PTK2: variants seen among roughly 807,000 people sequenced by gnomAD.
PTK2 encodes the protein focal adhesion kinase 1.
In PTK2, 45 loss-of-function variants were observed where a neutral mutation model predicts 150.1. The ratio of observed to expected loss-of-function variants is 0.30; its 90% CI spans 0.24 to 0.38. The LOEUF (loss-of-function observed/expected upper bound fraction) is 0.38, where lower values mean the gene tolerates loss of function less well. Among genes scored for constraint, PTK2 ranks in the 10% least tolerant of loss-of-function variants. PTK2 has a pLI of 1.00. For synonymous variants in PTK2, 432 were observed against 449.2 expected (o/e 0.96, Z 0.48); for missense variants, 919 against 1,307.3 (o/e 0.70, Z 4.58).
At chr8:140,764,553 C>A (rs878887658) in intron 14 of PTK2, 2 of 484,330 alleles carry the variant, frequency 4.1e-6, no homozygotes, top group Non-Finnish European at 7.2e-6. Context: ...AAAAACAGAA[C>A]GACATGAAAC....
intron 1 of PTK2, among the ~76,000 whole-genome samples, chr8:140,932,621 T>C (rs917671040): frequency 3.9e-5 from 6 of 152,212 alleles, no homozygotes; most frequent in Non-Finnish European, 5.9e-5. Context: ...CTTGAATTCA[T>C]AAAATGTCTG....
rs192755155 is a variant in PTK2, at chr8:140,861,416, T to C, written c.450+2896A>G. On this transcript the variant is annotated intron_variant, in intron 5 of 31. Coordinates refer to ENST00000522684, the Ensembl canonical transcript of PTK2. ...ATATAATTTAACAGATTTTTAAAAA[T>C]TAAAAAGACAAGAAGAGAAACTGTA... 4.3e-3 allele frequency among the ~76,000 whole-genome samples: 657 copies of C among 152,156 alleles called. 6 individuals are homozygous for C. The highest frequency in any genetic ancestry group is 0.015 in the African/African-American group (634 of 41,510).
intron 27 of PTK2, among the ~76,000 whole-genome samples, chr8:140,686,252 GGAGGAGGGTGA>G (rs898994165): frequency 1.3e-5 from 2 of 152,122 alleles, no homozygotes; most frequent in South Asian, 2.1e-4. Flanking sequence ...GTGGAGGGTG[GGAGGAGGGTGA>G]GAGGAGGGTG....
At chr8:140,832,749 C>A (rs965297604) in intron 7 of PTK2, 1 of 496,202 alleles carries the variant, frequency 2.0e-6, no homozygotes, top group South Asian at 1.5e-5. Context: ...AGCTACGCAC[C>A]GAGAACAGAA....
intron 1 of PTK2, among the ~76,000 whole-genome samples, chr8:140,929,604 A>G (rs537729271): frequency 1.3e-5 from 2 of 152,312 alleles, no homozygotes; most frequent in East Asian, 3.9e-4. Context: ...TTGTGATACA[A>G]TTAGACTGTA....
chr8:140,795,540 C>T (rs1011832758), intron 12 of PTK2, among the ~76,000 whole-genome samples: 12 of 152,206 alleles, frequency 7.9e-5, no homozygotes, highest in African/African-American at 2.9e-4. Context: ...TCTTCCCTGT[C>T]TTATTTTTCT....
chr8:140,754,474 A>G (rs1042916937), intron 16 of PTK2, among the ~76,000 whole-genome samples: 2 of 152,226 alleles, frequency 1.3e-5, no homozygotes, highest in East Asian at 1.9e-4. Context: ...AGAAAACTGT[A>G]TGGCTGGTAT....
At chr8:140,904,770 T>C (rs1002181582) in intron 2 of PTK2, among the ~76,000 whole-genome samples, 1 of 152,228 alleles carries the variant, frequency 6.6e-6, no homozygotes, top group Non-Finnish European at 1.5e-5. Context: ...TTCTAGATTT[T>C]CTAGTTTATT....
chr8:140,984,365 A>G (rs1422164248), intron 1 of PTK2, among the ~76,000 whole-genome samples: 2 of 152,110 alleles, frequency 1.3e-5, no homozygotes, highest in Admixed American at 6.6e-5. Flanking sequence ...CCACCTTGCA[A>G]CCCACACTTT....
intron 14 of PTK2, among the ~76,000 whole-genome samples, chr8:140,787,730 T>A (rs1018317846): frequency 1.3e-5 from 2 of 152,346 alleles, no homozygotes; most frequent in Middle Eastern, 3.4e-3. Flanking sequence ...ATGGGACATT[T>A]CCCTTCTCTC....
chr8:140,867,738 A>T (rs183325048), intron 4 of PTK2, among the ~76,000 whole-genome samples: 2 of 152,290 alleles, frequency 1.3e-5, no homozygotes, highest in Non-Finnish European at 2.9e-5. Flanking sequence ...GTACCCTTGA[A>T]CCTAAAACGA....
At chr8:140,950,275 A>G (rs1165749686) in intron 1 of PTK2, among the ~76,000 whole-genome samples, 1 of 152,172 alleles carries the variant, frequency 6.6e-6, no homozygotes, top group Non-Finnish European at 1.5e-5. Context: ...AGCAGAGGAG[A>G]ATCCCCGAGC....
chr8:140,783,242 G>GA (rs1467880915), intron 14 of PTK2, among the ~76,000 whole-genome samples: 3 of 151,990 alleles, frequency 2.0e-5, no homozygotes, highest in African/African-American at 7.2e-5. Context: ...CATGTCTCCA[G>GA]AAAAAAGAAA....
chr8:140,772,764 A>G (rs2100076250), intron 14 of PTK2, among the ~76,000 whole-genome samples: 1 of 152,232 alleles, frequency 6.6e-6, no homozygotes, highest in South Asian at 2.1e-4. Context: ...GAGCCAAAAT[A>G]TAAATATAGT....
At chr8:140,944,334 G>T (rs1358457730) in intron 1 of PTK2, among the ~76,000 whole-genome samples, 1 of 152,128 alleles carries the variant, frequency 6.6e-6, no homozygotes, top group Non-Finnish European at 1.5e-5. Flanking sequence ...ATACTAGAGG[G>T]GAAAGGGTCA....
At chr8:140,864,396 A>G (rs762496127) in exon 5 of PTK2, 19 of 1,535,274 alleles carry the variant, frequency 1.2e-5, no homozygotes, top group Middle Eastern at 1.7e-4. Flanking sequence ...TTCTCAATTC[A>G]TATCTAAAAA....
chr8:140,732,247 C>G (rs2100049869), intron 22 of PTK2, among the ~76,000 whole-genome samples: 1 of 152,044 alleles, frequency 6.6e-6, no homozygotes, highest in South Asian at 2.1e-4. Context: ...TATTTGGTAG[C>G]CTAATTGTAT....
At chr8:140,801,407 T>C (rs937711394) in intron 11 of PTK2, among the ~76,000 whole-genome samples, 8 of 152,226 alleles carry the variant, frequency 5.3e-5, no homozygotes, top group African/African-American at 1.9e-4. Context: ...CAAATGGCTC[T>C]TTCTCATGCC....
intron 5 of PTK2, among the ~76,000 whole-genome samples, chr8:140,856,397 AAAAC>A (rs1442015068): frequency 1.5e-4 from 23 of 151,322 alleles, no homozygotes; most frequent in African/African-American, 3.0e-4. Flanking sequence ...AAAACAAAAC[AAAAC>A]AGTCCAGATG....
Sources: gnomAD v4.1 joint callset for allele counts (sites outside exome capture counted in the v4.1 genomes callset) on GRCh38, gnomAD v4.1.1 for gene constraint, MANE v1.5 for transcripts, NCBI Gene and HGNC (gene_info 2026-07-23, HGNC 2026-07-21) for gene names.